PCDHAC2: variants seen among roughly 807,000 people sequenced by gnomAD.
The protein encoded by PCDHAC2 is protocadherin alpha-C2.
In PCDHAC2, 24 loss-of-function variants were observed where a neutral mutation model predicts 63.3. That is an observed-to-expected ratio of 0.38 (90% CI 0.27 to 0.53). The LOEUF (loss-of-function observed/expected upper bound fraction) is 0.53, where lower values mean the gene tolerates loss of function less well. Ranked by LOEUF, PCDHAC2 falls within the 20% of genes least tolerant of loss-of-function variation. The probability of loss-of-function intolerance (pLI) is 0.81; values close to 1 mark genes in which losing one functional copy is unlikely to be tolerated. For synonymous variants in PCDHAC2, 569 were observed against 529.4 expected (o/e 1.07, Z -1.03); for missense variants, 1,181 against 1,275.2 (o/e 0.93, Z 1.12).
chr5:141,009,580 G>A (rs1554262213), intron 3 of PCDHAC2, 47 bp from the exon 4 acceptor site: 1 of 1,588,170 alleles, frequency 6.3e-7, no homozygotes, highest in South Asian at 1.2e-5. Flanking sequence ...GTGGCATCAA[G>A]AGCATGTGTT....
chr5:140,966,620 G>A lies in PCDHAC2; in HGVS notation c.-147G>A, dbSNP rs2096027901. 8 of 837,888 alleles carry A rather than the reference G, an allele frequency of 9.5e-6. No homozygotes were observed. The East Asian group carries it at 2.6e-4, about 27-fold the overall frequency. 51.9% of individuals were successfully genotyped at this position (837,888 alleles called of 1,614,324 possible). A position where few individuals can be genotyped will look rare whatever the true frequency, so the allele number is the denominator to read the frequency against. On this transcript the variant is annotated 5_prime_UTR_variant, in exon 1 of 4. Transcript: ENST00000289269. ...GAGCCCTTGGGAGGGCCTACGGAGG[G>A]AGCGGCCCCAGGCGCTTTCTAGAGC...
chr5:140,967,990 G>C lies in PCDHAC2; in HGVS notation c.1224G>C (p.Leu408=). 1 of 1,614,232 alleles carries C rather than the reference G, an allele frequency of 6.2e-7. No homozygotes were observed. The highest frequency in any genetic ancestry group is 8.5e-7 in the Non-Finnish European group (1 of 1,180,040). The change falls in exon 1 of 4, where the codon CTG becomes CTC. Residue 408 remains leucine (L), a synonymous_variant. Coordinates refer to ENST00000289269, the MANE Select transcript of PCDHAC2 (RefSeq NM_018899.6). ...RKVSLGLEAT[L]PFRLNGFGNS... is the part of the protein sequence containing the mutation. Reference sequence around the variant, plus strand: ...TGAGCCTGGGTCTGGAGGCCACACTGCCTTTCCGACTGAATGGCTTTGGAA... The same window carrying C: ...TGAGCCTGGGTCTGGAGGCCACACTCCCTTTCCGACTGAATGGCTTTGGAA...
intron 1 of PCDHAC2, among the ~76,000 whole-genome samples, chr5:140,974,552 C>A (rs1554236185): frequency 6.6e-6 from 1 of 152,112 alleles, no homozygotes; most frequent in Non-Finnish European, 1.5e-5. Context: ...GCTCTTGTTG[C>A]CCAGGCTGGA....
intron 3 of PCDHAC2, among the ~76,000 whole-genome samples, chr5:140,994,353 C>T (rs1321687113): frequency 6.6e-6 from 1 of 152,110 alleles, no homozygotes; most frequent in East Asian, 1.9e-4. Flanking sequence ...TGTGGGACCT[C>T]AGAAGATGGA....
chr5:141,011,509 G>C lies in PCDHAC2; in HGVS notation c.*1572G>C, dbSNP rs2098420853. ...TTTTGTACACCTGTGAAAAAGTGGA[G>C]TAGTGTTTTTTTAACCATTGTTAAT... is the stretch of plus-strand genomic sequence containing the variant. On this transcript the variant is annotated 3_prime_UTR_variant, in exon 4 of 4. Coordinates refer to ENST00000289269, the MANE Select transcript of PCDHAC2 (RefSeq NM_018899.6). The C allele has an allele frequency of 6.5e-6, 1 of 153,760 alleles. No individual in the cohort carries two copies. The highest frequency in any genetic ancestry group is 1.5e-5 in the Non-Finnish European group (1 of 68,040). The allele number at this position is 153,760 out of a possible 1,614,324, so 9.5% of individuals were successfully genotyped here.
At chr5:140,981,191 G>A (rs2096922052) in intron 2 of PCDHAC2, among the ~76,000 whole-genome samples, 2 of 152,178 alleles carry the variant, frequency 1.3e-5, no homozygotes, top group South Asian at 4.1e-4. Context: ...AAGTTTGCCT[G>A]CTCTGTTGCC....
intron 1 of PCDHAC2, among the ~76,000 whole-genome samples, chr5:140,970,255 A>G (rs155806): frequency 0.089 from 13,563 of 152,250 alleles, 783 homozygotes; most frequent in Middle Eastern, 0.22. Context: ...GACAGTTTCT[A>G]TGGTTTTGAT....
rs1382443921 is a variant in PCDHAC2, at chr5:140,966,529, G to C, written c.-238G>C. On this transcript the variant is annotated 5_prime_UTR_variant, in exon 1 of 4. Coordinates refer to ENST00000289269, the MANE Select transcript of PCDHAC2 (RefSeq NM_018899.6). Reference sequence around the variant, plus strand: ...CAGCAGCAGCAGGAAGCCGAGCCGGGTTGAGCGACTCGGAGGCGAGCGGAG... The same window carrying C: ...CAGCAGCAGCAGGAAGCCGAGCCGGCTTGAGCGACTCGGAGGCGAGCGGAG... 5 of 446,974 alleles carry C rather than the reference G, an allele frequency of 1.1e-5. No homozygotes were observed. The highest frequency in any genetic ancestry group is 1.9e-5 in the Non-Finnish European group (5 of 259,294). The allele number at this position is 446,974 out of a possible 1,614,324, so 27.7% of individuals were successfully genotyped here.
chr5:140,989,775 C>G (rs1286076429), intron 3 of PCDHAC2, among the ~76,000 whole-genome samples: 1 of 152,178 alleles, frequency 6.6e-6, no homozygotes, highest in Non-Finnish European at 1.5e-5. Flanking sequence ...CAAGCACTGG[C>G]TAGAGACTAG....
In PCDHAC2 at chr5:140,967,219, C is replaced by A. The variant is rs782211026; in HGVS notation, c.453C>A (p.Pro151=). The A allele has an allele frequency of 1.2e-6, 2 of 1,613,772 alleles. No homozygotes were observed. Among genetic ancestry groups the A allele is most frequent in the East Asian group, 2.2e-5 (1 of 44,868 alleles). Residue 151 remains proline, a synonymous_variant, in exon 1 of 4, where the codon CCC becomes CCA. Coordinates refer to ENST00000289269, the MANE Select transcript of PCDHAC2 (RefSeq NM_018899.6). The part of the protein sequence containing the change: ...INDNSPRFPR[P]NYQLQVSESV... ...ACAACTCACCGCGTTTCCCGCGGCC[C>A]AACTACCAGCTTCAGGTAAGCGAAT... is the stretch of plus-strand genomic sequence containing the variant.
At chr5:141,001,953 G>C (rs55743067) in intron 3 of PCDHAC2, among the ~76,000 whole-genome samples, 27 of 152,290 alleles carry the variant, frequency 1.8e-4, no homozygotes, top group Non-Finnish European at 3.5e-4. Context: ...AAGGAGGAGG[G>C]AGAGGCGGGG....
chr5:140,985,590 T>C (rs1049609959), intron 3 of PCDHAC2, among the ~76,000 whole-genome samples: 5 of 152,166 alleles, frequency 3.3e-5, no homozygotes, highest in African/African-American at 1.2e-4. Flanking sequence ...TCCTTATACT[T>C]GCTTCAGAGC....
Position 140,966,626 on chromosome 5 carries a change from C to T in PCDHAC2, c.-141C>T. The T allele has an allele frequency of 9.7e-6, 9 of 925,184 alleles. No homozygotes were observed. Among genetic ancestry groups the T allele is most frequent in the South Asian group, 9.6e-5 (4 of 41,762 alleles). The allele number at this position is 925,184 out of a possible 1,614,324, so 57.3% of individuals were successfully genotyped here. A position where few individuals can be genotyped will look rare whatever the true frequency, so the allele number is the denominator to read the frequency against. ...TTGGGAGGGCCTACGGAGGGAGCGG[C>T]CCCAGGCGCTTTCTAGAGCGTGAGC... On this transcript the variant is annotated 5_prime_UTR_variant, in exon 1 of 4. Coordinates refer to ENST00000289269, the MANE Select transcript of PCDHAC2 (RefSeq NM_018899.6).
intron 1 of PCDHAC2, among the ~76,000 whole-genome samples, chr5:140,977,142 T>C (rs781987643): frequency 6.6e-6 from 1 of 152,236 alleles, no homozygotes; most frequent in Non-Finnish European, 1.5e-5. Context: ...TCAGTCCTGC[T>C]GGAACTGTGC....
intron 3 of PCDHAC2, among the ~76,000 whole-genome samples, chr5:140,993,295 C>G (rs553867145): frequency 3.3e-5 from 5 of 152,090 alleles, no homozygotes; most frequent in African/African-American, 9.7e-5. Flanking sequence ...GGGTCACAAC[C>G]TTGCCTCCAG....
chr5:141,009,103 C>G (rs1440460108), intron 3 of PCDHAC2, among the ~76,000 whole-genome samples: 1 of 152,170 alleles, frequency 6.6e-6, no homozygotes, highest in African/African-American at 2.4e-5. Flanking sequence ...ACATATGTTA[C>G]TATGAAACTA....
At chr5:140,980,437 C>G (rs1586844281) in intron 2 of PCDHAC2, among the ~76,000 whole-genome samples, 1 of 152,156 alleles carries the variant, frequency 6.6e-6, no homozygotes, top group Admixed American at 6.5e-5. Flanking sequence ...CGAGACCATC[C>G]TGGACAACAC....
intron 3 of PCDHAC2, among the ~76,000 whole-genome samples, chr5:140,991,953 G>A (rs545142966): frequency 3.9e-5 from 6 of 152,110 alleles, no homozygotes; most frequent in Non-Finnish European, 8.8e-5. Context: ...TTAGAATGCA[G>A]TCATTTTGGT....
chr5:140,979,125 C>T (rs782380399), intron 2 of PCDHAC2, 118 bp downstream of exon 2: 4 of 1,479,726 alleles, frequency 2.7e-6, no homozygotes, highest in African/African-American at 2.8e-5. Context: ...GGTACTTTGC[C>T]AGGAAAATGC....
Sources: gnomAD v4.1 joint callset for allele counts (sites outside exome capture counted in the v4.1 genomes callset) on GRCh38, gnomAD v4.1.1 for gene constraint, MANE v1.5 for transcripts, NCBI Gene and HGNC (gene_info 2026-07-23, HGNC 2026-07-21) for gene names.